PCDHGA2: variants seen among roughly 807,000 people sequenced by gnomAD.
The protein encoded by PCDHGA2 is protocadherin gamma-A2.
PCDHGA2 carries 40 observed loss-of-function variants against 59.2 expected under a neutral mutation model. The ratio of observed to expected loss-of-function variants is 0.68; its 90% CI spans 0.52 to 0.88. The LOEUF (loss-of-function observed/expected upper bound fraction) is 0.88. Among genes scored for constraint, PCDHGA2 ranks in the 40% least tolerant of loss-of-function variants. PCDHGA2 has a pLI of 0.00. For missense variants in PCDHGA2, 1,226 were observed against 1,204.0 expected (o/e 1.02, Z -0.27); for synonymous variants, 560 against 526.0 (o/e 1.06, Z -0.89).
chr5:141,399,731 CGCCTGCGCTCAGCGCAAACGTGA>C (rs777966215), intron 1 of PCDHGA2: 5 of 1,613,174 alleles, frequency 3.1e-6, no homozygotes, highest in Admixed American at 1.7e-5. Flanking sequence ...GACCAGGGCT[CGCCTGCGCTCAGCGCAAACGTGA>C]GCCTGCGCGT....
At chr5:141,399,675 T>C (rs753709757) in intron 1 of PCDHGA2, 3 of 1,613,618 alleles carry the variant, frequency 1.9e-6, no homozygotes, top group South Asian at 2.2e-5. Context: ...AGCGCGCCTT[T>C]GACTACGAGC....
In PCDHGA2 at chr5:141,431,430, G is replaced by A; in HGVS notation, c.2425-63377G>A. ...GACGGGGGCGACCCGGTGCGCACAG[G>A]CACCGCGCGCATCCGCGTGATGGTT... is the stretch of plus-strand genomic sequence containing the variant. On this transcript the variant is annotated intron_variant, in intron 1 of 3. Coordinates refer to ENST00000394576, the MANE Select transcript of PCDHGA2 (RefSeq NM_018915.4). The surrounding 1 kb of genome is among the most constrained non-coding windows in gnomAD (Gnocchi z 4.8). 1 of 1,613,680 alleles carries A rather than the reference G, an allele frequency of 6.2e-7. No individual in the cohort carries two copies. The highest frequency in any genetic ancestry group is 8.5e-7 in the Non-Finnish European group (1 of 1,180,018).
intron 1 of PCDHGA2, among the ~76,000 whole-genome samples, chr5:141,438,119 A>G (rs2097930168): frequency 6.6e-6 from 1 of 152,220 alleles, no homozygotes; most frequent in Non-Finnish European, 1.5e-5. Flanking sequence ...ATGCATTCCT[A>G]AAATATTAAT....
At chr5:141,364,925 C>T in intron 1 of PCDHGA2, 2 of 1,613,910 alleles carry the variant, frequency 1.2e-6, no homozygotes, top group Non-Finnish European at 8.5e-7. Flanking sequence ...GTTGGAACAG[C>T]CCCTAGACCG....
intron 1 of PCDHGA2, chr5:141,441,943 C>CT: frequency 1.2e-5 from 4 of 336,004 alleles, no homozygotes; most frequent in South Asian, 1.1e-4. Flanking sequence ...CTACCACGTG[C>CT]TGCAGGCCAG....
At chr5:141,411,319 C>T (rs532552346) in intron 1 of PCDHGA2, 1 of 152,262 alleles carries the variant, frequency 6.6e-6, no homozygotes, top group South Asian at 2.1e-4. Flanking sequence ...CCTATAATCA[C>T]AGCACTTTGA....
intron 2 of PCDHGA2, among the ~76,000 whole-genome samples, chr5:141,501,877 A>G (rs1267260445): frequency 1.3e-5 from 2 of 151,690 alleles, no homozygotes; most frequent in East Asian, 3.9e-4. Flanking sequence ...GCCTCCTTAC[A>G]CTCCTGATCA....
chr5:141,362,997 G>A (rs1275044345), intron 1 of PCDHGA2, among the ~76,000 whole-genome samples: 1 of 152,256 alleles, frequency 6.6e-6, no homozygotes, highest in African/African-American at 2.4e-5. Context: ...GGCATGGCTT[G>A]TTAATCACAG....
chr5:141,415,959 C>T, intron 1 of PCDHGA2: 3 of 443,810 alleles, frequency 6.8e-6, no homozygotes, highest in Non-Finnish European at 1.1e-5. Context: ...CATATTGAAA[C>T]TCCAGCCCCT....
intron 1 of PCDHGA2, among the ~76,000 whole-genome samples, chr5:141,368,185 A>G (rs77366155): frequency 0.033 from 4,989 of 152,312 alleles, 94 homozygotes; most frequent in African/African-American, 0.059. Flanking sequence ...ATGACTAAAT[A>G]AGGGGAAAAG....
intron 1 of PCDHGA2, chr5:141,428,109 G>A: frequency 1.2e-6 from 2 of 1,607,850 alleles, no homozygotes; most frequent in Non-Finnish European, 1.7e-6. Context: ...CGTGCTGCAG[G>A]CCATCGAGCC....
At chr5:141,452,460 G>A (rs750887712) in intron 1 of PCDHGA2, among the ~76,000 whole-genome samples, 1 of 152,140 alleles carries the variant, frequency 6.6e-6, no homozygotes, top group Non-Finnish European at 1.5e-5. Flanking sequence ...GTCAGCAGAC[G>A]GAGCTAGGAA....
At chr5:141,384,606 AGAT>A (rs1561603197) in intron 1 of PCDHGA2, 6 of 1,614,152 alleles carry the variant, frequency 3.7e-6, no homozygotes, top group Non-Finnish European at 5.1e-6. Flanking sequence ...CCCTCCCCAC[AGAT>A]GGTTCTACTG....
Position 141,490,920 on chromosome 5 carries a change from T to A in PCDHGA2, c.2425-3887T>A. 1.2e-6 allele frequency: 2 copies of A among 1,613,638 alleles called. No homozygotes were observed. The highest frequency in any genetic ancestry group is 1.7e-6 in the Non-Finnish European group (2 of 1,179,684). The stretch of plus-strand genomic sequence containing the variant: ...TGTTTGTCCTAGACGAGAATGATAA[T>A]GCCCCAGCTGTGCTGCACCCACGGC... On this transcript the variant is annotated intron_variant, in intron 1 of 3. Coordinates refer to ENST00000394576, the MANE Select transcript of PCDHGA2 (RefSeq NM_018915.4). This position sits in a 1 kb window ranked among gnomAD's most constrained non-coding sequence, Gnocchi z 5.4.
At chr5:141,507,557 C>T (rs959957585) in intron 3 of PCDHGA2, among the ~76,000 whole-genome samples, 5 of 152,250 alleles carry the variant, frequency 3.3e-5, no homozygotes, top group Middle Eastern at 3.4e-3. Flanking sequence ...AAGTGGCAGG[C>T]GGCTGGGTCT....
chr5:141,382,939 T>C (rs765145573), intron 1 of PCDHGA2: 3 of 1,594,910 alleles, frequency 1.9e-6, no homozygotes, highest in South Asian at 2.2e-5. Context: ...CAGAGGATTC[T>C]TCCTGCTCTC....
intron 1 of PCDHGA2, chr5:141,397,972 G>T: frequency 2.6e-6 from 3 of 1,155,564 alleles, no homozygotes; most frequent in Non-Finnish European, 3.6e-6. Flanking sequence ...ACTCCCCAGC[G>T]CCGGCCTTTA....
At chr5:141,384,550 T>C (rs1262991038) in intron 1 of PCDHGA2, 1 of 1,614,220 alleles carries the variant, frequency 6.2e-7, no homozygotes, top group Non-Finnish European at 8.5e-7. Context: ...ACTGAGCCTG[T>C]TCGTGCTGGA....
intron 1 of PCDHGA2, among the ~76,000 whole-genome samples, chr5:141,471,887 G>T (rs1215891997): frequency 6.6e-6 from 1 of 152,152 alleles, no homozygotes; most frequent in African/African-American, 2.4e-5. Context: ...CTGAAGCTAG[G>T]AAGATTGACT....
Sources: allele counts gnomAD v4.1 joint callset (sites outside exome capture counted in the v4.1 genomes callset), GRCh38; gene constraint gnomAD v4.1.1; non-coding constraint Gnocchi (gnomAD v3.1); transcripts MANE v1.5; gene names NCBI Gene and HGNC (gene_info 2026-07-23, HGNC 2026-07-21).